Variants in PTPRK observed in about 807,000 individuals in gnomAD.
PTPRK encodes the protein receptor-type tyrosine-protein phosphatase kappa.
Under a neutral mutation model 178.0 loss-of-function variants are expected in PTPRK, and 75 were observed. That is an observed-to-expected ratio of 0.42 (90% CI 0.35 to 0.51). PTPRK has a LOEUF of 0.51. Ranked by LOEUF, PTPRK falls within the 20% of genes least tolerant of loss-of-function variation. The pLI, the probability that PTPRK is intolerant of heterozygous loss-of-function variation, is 0.02. For synonymous variants in PTPRK, 637 were observed against 620.6 expected (o/e 1.03, Z -0.39); for missense variants, 1,441 against 1,797.8 (o/e 0.80, Z 3.59).
intron 2 of PTPRK, among the ~76,000 whole-genome samples, chr6:128,338,420 C>G (rs1831224719): frequency 6.6e-6 from 1 of 152,116 alleles, no homozygotes; most frequent in African/African-American, 2.4e-5. Flanking sequence ...GTGCCATTCC[C>G]TGAGCCATGG....
intron 8 of PTPRK, among the ~76,000 whole-genome samples, chr6:128,087,422 T>C (rs1020642913): frequency 6.6e-6 from 1 of 152,178 alleles, no homozygotes; most frequent in Non-Finnish European, 1.5e-5. Flanking sequence ...TTATAACATT[T>C]ATCCCATTTT....
intron 3 of PTPRK, among the ~76,000 whole-genome samples, chr6:128,262,889 A>C (rs1818395905): frequency 6.9e-6 from 1 of 144,476 alleles, no homozygotes; most frequent in South Asian, 2.2e-4. Context: ...TAAGTGCTTT[A>C]CATTCTAGAT....
At chr6:128,004,916 TGA>T in intron 15 of PTPRK, 166 bp downstream of exon 15, 1 of 608,944 alleles carries the variant, frequency 1.6e-6, no homozygotes, top group Non-Finnish European at 2.8e-6. Context: ...TCAATCTTGA[TGA>T]GAATCCTTCT....
chr6:128,141,524 A>G (rs1039766360), intron 7 of PTPRK, among the ~76,000 whole-genome samples: 1 of 151,854 alleles, frequency 6.6e-6, no homozygotes, highest in African/African-American at 2.4e-5. Flanking sequence ...CATAAACAAA[A>G]CAAAACTCCT....
At chr6:128,354,482 G>A (rs996597224) in intron 2 of PTPRK, among the ~76,000 whole-genome samples, 4 of 151,744 alleles carry the variant, frequency 2.6e-5, no homozygotes, top group African/African-American at 4.8e-5. Flanking sequence ...TGATCTGCCC[G>A]CCTCGGCCTC....
intron 7 of PTPRK, 125 bp from the exon 8 acceptor site, chr6:128,090,117 C>T (rs1465829537): frequency 2.6e-6 from 2 of 771,024 alleles, no homozygotes; most frequent in East Asian, 2.7e-5. Context: ...GTTTTATTTT[C>T]CTTTGCTTTA....
At chr6:128,081,300 T>C (rs1345454827) in intron 10 of PTPRK, among the ~76,000 whole-genome samples, 1 of 152,064 alleles carries the variant, frequency 6.6e-6, no homozygotes, top group East Asian at 1.9e-4. Context: ...TTTTATAATA[T>C]AATGGATGAT....
intron 3 of PTPRK, among the ~76,000 whole-genome samples, chr6:128,263,537 T>C (rs1818489906): frequency 6.6e-6 from 1 of 152,120 alleles, no homozygotes; most frequent in Non-Finnish European, 1.5e-5. Context: ...ACCATAAAAA[T>C]ACAGCAGATA....
intron 3 of PTPRK, among the ~76,000 whole-genome samples, chr6:128,293,561 CT>C (rs1823762319): frequency 1.3e-5 from 2 of 152,030 alleles, no homozygotes; most frequent in Admixed American, 6.6e-5. Context: ...CCTTTACTCC[CT>C]TATTATTTAA....
chr6:128,010,349 C>T (rs988586433), intron 13 of PTPRK, among the ~76,000 whole-genome samples: 4 of 151,204 alleles, frequency 2.6e-5, no homozygotes, highest in African/African-American at 9.7e-5. Context: ...AGATGGTGTC[C>T]ACATGAACAG....
chr6:128,178,703 A>ATCTATCTATC (rs1562734360), intron 7 of PTPRK, among the ~76,000 whole-genome samples: 5 of 130,318 alleles, frequency 3.8e-5, no homozygotes, highest in Admixed American at 3.1e-4. Flanking sequence ...ATCTATCTAT[A>ATCTATCTATC]TGCATGTTTT....
At chr6:128,088,116 G>A (rs570045185) in intron 8 of PTPRK, among the ~76,000 whole-genome samples, 8 of 152,206 alleles carry the variant, frequency 5.3e-5, no homozygotes, top group Non-Finnish European at 1.2e-4. Flanking sequence ...AGTGGCTCAC[G>A]CCTGTAACCC....
intron 13 of PTPRK, among the ~76,000 whole-genome samples, chr6:128,041,403 A>T (rs1423974595): frequency 6.6e-6 from 1 of 152,076 alleles, no homozygotes; most frequent in East Asian, 1.9e-4. Context: ...CTGATAAAGG[A>T]TAAAGAATAC....
chr6:128,154,395 C>T (rs2114575666), intron 7 of PTPRK, among the ~76,000 whole-genome samples: 1 of 151,818 alleles, frequency 6.6e-6, no homozygotes, highest in South Asian at 2.1e-4. Flanking sequence ...AAAAAAATCA[C>T]TGCGACCTAA....
chr6:128,302,296 G>T (rs1301371056), intron 3 of PTPRK, among the ~76,000 whole-genome samples: 1 of 147,878 alleles, frequency 6.8e-6, no homozygotes, highest in Non-Finnish European at 1.5e-5. Flanking sequence ...GGAGGCTGCG[G>T]CATAAGAATG....
intron 1 of PTPRK, among the ~76,000 whole-genome samples, chr6:128,483,756 T>G (rs1852424325): frequency 6.6e-6 from 1 of 152,156 alleles, no homozygotes; most frequent in Admixed American, 6.5e-5. Context: ...CATCAGATAG[T>G]CAGTGCCTGC....
At chr6:128,199,845 T>C (rs1369636176) in intron 6 of PTPRK, among the ~76,000 whole-genome samples, 3 of 152,230 alleles carry the variant, frequency 2.0e-5, no homozygotes, top group East Asian at 1.9e-4. Flanking sequence ...CCAGATCTTT[T>C]GACTTCTAAA....
At chr6:128,011,161 A>G (rs1779009091) in intron 13 of PTPRK, among the ~76,000 whole-genome samples, 1 of 151,316 alleles carries the variant, frequency 6.6e-6, no homozygotes, top group Admixed American at 6.6e-5. Context: ...GGTTTGCCAC[A>G]GATACTACTT....
At chr6:128,490,348 C>T (rs1853591079) in intron 1 of PTPRK, among the ~76,000 whole-genome samples, 2 of 152,328 alleles carry the variant, frequency 1.3e-5, no homozygotes, top group South Asian at 4.1e-4. Context: ...CCAGAGCAAA[C>T]TGCCAACCAT....
Sources: gnomAD v4.1 joint callset for allele counts (sites outside exome capture counted in the v4.1 genomes callset) on GRCh38, gnomAD v4.1.1 for gene constraint, MANE v1.5 for transcripts, NCBI Gene and HGNC (gene_info 2026-07-23, HGNC 2026-07-21) for gene names.